ARAP2: variants seen among roughly 807,000 people sequenced by gnomAD.
ARAP2 encodes arf-GAP with Rho-GAP domain, ANK repeat and PH domain-containing protein 2.
In ARAP2, 148 loss-of-function variants were observed where a neutral mutation model predicts 194.5. The ratio of observed to expected loss-of-function variants is 0.76; its 90% CI spans 0.67 to 0.87. The LOEUF is 0.87. Ranked by LOEUF, ARAP2 falls within the 40% of genes least tolerant of loss-of-function variation. The pLI, the probability that ARAP2 is intolerant of heterozygous loss-of-function variation, is 0.00. For synonymous variants in ARAP2, 695 were observed against 683.5 expected, an observed-to-expected ratio of 1.02 and a Z score of -0.26; for missense variants, 2,128 against 1,989.7, an observed-to-expected ratio of 1.07 and a Z score of -1.32.
At position 36,114,189 on chromosome 4, in the gene ARAP2, G is replaced by A; in HGVS notation, c.4137C>T (p.Val1379=). 3 of 1,592,114 alleles carry A rather than the reference G, an allele frequency of 1.9e-6. No homozygotes were observed. The highest frequency in any genetic ancestry group is 2.6e-6 in the Non-Finnish European group (3 of 1,163,918). ...ACTTACCTAGCTCTTCATTTTCAATGACTTCAAATGTGGCCCAAATATCAC... is the reference window on the plus strand; with the variant it reads ...ACTTACCTAGCTCTTCATTTTCAATAACTTCAAATGTGGCCCAAATATCAC... ...TKGDIWATFE[V]IENEELERPL... is the part of the protein sequence containing the mutation. The change falls in exon 26 of 33, where the codon GTC becomes GTT. Residue 1379 remains valine (V), a synonymous_variant. Coordinates refer to ENST00000303965, the MANE Select transcript of ARAP2 (RefSeq NM_015230.4).
At chr4:36,036,985 G>A (rs986257091) in intron 5 of ARAP2, among the ~76,000 whole-genome samples, 1 of 152,142 alleles carries the variant, frequency 6.6e-6, no homozygotes, top group East Asian at 1.9e-4. Context: ...GGATTATAAA[G>A]GTAGTTTTCA....
intron 30 of ARAP2, among the ~76,000 whole-genome samples, chr4:36,080,705 G>A (rs1216844389): frequency 6.6e-6 from 1 of 152,062 alleles, no homozygotes; most frequent in Non-Finnish European, 1.5e-5. Flanking sequence ...CTCCATCATT[G>A]TAATTGTAAA....
intron 2 of ARAP2, among the ~76,000 whole-genome samples, chr4:36,227,541 A>G (rs1430640573): frequency 6.6e-6 from 1 of 152,152 alleles, no homozygotes; most frequent in Admixed American, 6.6e-5. Flanking sequence ...TCTTGTAACT[A>G]CTATTAGCAC....
intron 27 of ARAP2, among the ~76,000 whole-genome samples, chr4:36,101,423 T>C (rs1408444381): frequency 6.6e-6 from 1 of 151,616 alleles, no homozygotes; most frequent in Non-Finnish European, 1.5e-5. Context: ...ATTTTACTAC[T>C]AATGCAGCAA....
intron 2 of ARAP2, among the ~76,000 whole-genome samples, chr4:36,221,885 T>C (rs191134174): frequency 6.6e-6 from 1 of 152,268 alleles, no homozygotes; most frequent in Admixed American, 6.6e-5. Context: ...CATTAATTCC[T>C]TGTATCAGCC....
chr4:36,114,224 G>A lies in ARAP2; in HGVS notation c.4102C>T (p.Pro1368Ser). ...NDILAIKNII[P>S]TKGDIWATFE... The stretch of plus-strand genomic sequence containing the variant: ...GTGGCCCAAATATCACCTTTTGTAG[G>A]AATAATATTTTTTATCGCTAATATA... Residue 1368 changes from proline (P) to serine (S), a missense_variant, in exon 26 of 33, where the codon CCT (proline) becomes TCT (serine). Transcript: ENST00000303965. The A allele has an allele frequency of 6.2e-7, 1 of 1,603,352 alleles. No homozygotes were observed. Among genetic ancestry groups the A allele is most frequent in the South Asian group, 1.1e-5 (1 of 90,284 alleles).
At chr4:36,071,171 T>G (rs1726777985) in intron 32 of ARAP2, among the ~76,000 whole-genome samples, 2 of 152,182 alleles carry the variant, frequency 1.3e-5, no homozygotes, top group South Asian at 4.1e-4. Context: ...AGTTCCTTAA[T>G]ATTTTGTCTC....
At chr4:36,031,603 G>A (rs968035740) in intron 5 of ARAP2, among the ~76,000 whole-genome samples, 2 of 151,862 alleles carry the variant, frequency 1.3e-5, no homozygotes, top group African/African-American at 4.8e-5. Flanking sequence ...TAAATAGAAA[G>A]GAATCAGACA....
chr4:36,042,867 G>C (rs1259428497), intron 5 of ARAP2, among the ~76,000 whole-genome samples: 1 of 145,616 alleles, frequency 6.9e-6, no homozygotes, highest in African/African-American at 2.6e-5. Flanking sequence ...TTTTCAAACA[G>C]GGTTTCACTC....
intron 5 of ARAP2, among the ~76,000 whole-genome samples, chr4:36,041,544 G>A (rs1029233054): frequency 2.0e-5 from 3 of 152,154 alleles, no homozygotes; most frequent in Non-Finnish European, 4.4e-5. Context: ...ATGCTGACGA[G>A]TTTGTGGAGA....
intron 6 of ARAP2, among the ~76,000 whole-genome samples, chr4:36,202,877 CAGA>C (rs1177651399): frequency 6.6e-6 from 1 of 152,122 alleles, no homozygotes; most frequent in African/African-American, 2.4e-5. Flanking sequence ...AATCTGGAAA[CAGA>C]AGGAGAGATG....
chr4:36,192,946 AG>A (rs1742262439), intron 7 of ARAP2, among the ~76,000 whole-genome samples: 1 of 152,208 alleles, frequency 6.6e-6, no homozygotes, highest in South Asian at 2.1e-4. Flanking sequence ...CAGTGAGCCA[AG>A]ATCCTGCCAC....
intron 3 of ARAP2, among the ~76,000 whole-genome samples, chr4:36,050,545 G>A (rs1030300046): frequency 1.3e-5 from 2 of 152,176 alleles, no homozygotes; most frequent in African/African-American, 4.8e-5. Context: ...CTAAGAAGCT[G>A]CTCTGTGAGC....
At chr4:36,117,438 A>G (rs1721631926) in intron 24 of ARAP2, among the ~76,000 whole-genome samples, 1 of 151,738 alleles carries the variant, frequency 6.6e-6, no homozygotes, top group Non-Finnish European at 1.5e-5. Flanking sequence ...TCCAGCTACA[A>G]TAGATATATG....
At chr4:36,082,907 A>G (rs1035771328) in intron 29 of ARAP2, among the ~76,000 whole-genome samples, 2 of 152,154 alleles carry the variant, frequency 1.3e-5, no homozygotes, top group East Asian at 3.9e-4. Context: ...GGTTTTCAGT[A>G]CCAAAGTCAG....
chr4:36,012,518 T>C (rs1318937674), intron 9 of ARAP2: 1 of 152,248 alleles, frequency 6.6e-6, no homozygotes, highest in East Asian at 1.9e-4. Flanking sequence ...TAGCTTGTCC[T>C]GCACATTTGT....
intron 31 of ARAP2, among the ~76,000 whole-genome samples, chr4:36,074,724 T>C (rs552272193): frequency 6.6e-6 from 1 of 152,220 alleles, no homozygotes; most frequent in African/African-American, 2.4e-5. Context: ...ATGCCTACTC[T>C]TTATTTCTCT....
intron 15 of ARAP2, among the ~76,000 whole-genome samples, chr4:36,157,114 G>C (rs577000872): frequency 3.1e-4 from 47 of 152,194 alleles, no homozygotes; most frequent in African/African-American, 1.1e-3. Context: ...TTTTTAAACT[G>C]CAGAATGCTT....
At chr4:36,128,999 A>C (rs1424335560) in intron 20 of ARAP2, among the ~76,000 whole-genome samples, 2 of 151,948 alleles carry the variant, frequency 1.3e-5, no homozygotes, top group Non-Finnish European at 2.9e-5. Context: ...CCAGCTCTCC[A>C]TAGTATCTTT....
Sources: gnomAD v4.1 joint callset for allele counts (sites outside exome capture counted in the v4.1 genomes callset) on GRCh38, gnomAD v4.1.1 for gene constraint, MANE v1.5 for transcripts, NCBI Gene and HGNC (gene_info 2026-07-23, HGNC 2026-07-21) for gene names.